Variants in OSBPL10 observed in about 807,000 individuals in gnomAD.
OSBPL10 encodes oxysterol binding protein like 10, also known as oxysterol-binding protein-related protein 10.
In OSBPL10, 49 loss-of-function variants were observed where a neutral mutation model predicts 81.7. That is an observed-to-expected ratio of 0.60 (90% confidence interval 0.48 to 0.76). The LOEUF is 0.76. OSBPL10 is among the 30% of genes least tolerant of loss of function. The pLI is 0.00. For missense variants in OSBPL10, 923 were observed against 987.8 expected (o/e 0.93, Z 0.88); for synonymous variants, 419 against 383.6 (o/e 1.09, Z -1.08).
chr3:31,678,831 T>TGTGTGTGTGTGTGTGTGTG (rs1700561643), intron 8 of OSBPL10, among the ~76,000 whole-genome samples: 1 of 127,776 alleles, frequency 7.8e-6, no homozygotes, highest in Non-Finnish European at 1.7e-5. Context: ...TGTGTGTGTG[T>TGTGTGTGTGTGTGTGTGTG]AGGAGGGAAG....
intron 4 of OSBPL10, among the ~76,000 whole-genome samples, chr3:31,787,074 G>C (rs142975214): frequency 6.8e-4 from 104 of 152,246 alleles, no homozygotes; most frequent in African/African-American, 2.3e-3. Context: ...ACAATGCCTG[G>C]CATAGAATAA....
In OSBPL10 at chr3:31,929,466, G is replaced by A. The variant is rs567409337; in HGVS notation, c.282-49636C>T. Among the ~76,000 whole-genome samples the A allele has an allele frequency of 4.1e-3, 618 of 152,060 alleles. 3 individuals carry two copies. Among genetic ancestry groups the A allele is most frequent in the African/African-American group, 6.0e-3 (251 of 41,492 alleles). On this transcript the variant is annotated intron_variant, in intron 1 of 11. Transcript: ENST00000396556. ...TGATGGTTACAAAAAGTAAAATATCGGCCGGGCGCGGTGGCTCACGCCTGT... is the reference window on the plus strand; with the variant it reads ...TGATGGTTACAAAAAGTAAAATATCAGCCGGGCGCGGTGGCTCACGCCTGT...
rs983291129 is a variant in OSBPL10, at chr3:32,050,320, C to T, written n.186-3717G>A. Among the ~76,000 whole-genome samples, 10 of 152,180 alleles carry T rather than the reference C, an allele frequency of 6.6e-5. No individual in the cohort carries two copies. In the East Asian group the frequency reaches 1.5e-3, roughly 23 times the overall value. ...AGTAGCTAAGGCTTTCTTTTCACAA[C>T]GGTGGCATGAATTCAGGGTTCAATT... On this transcript the variant is annotated intron_variant and non_coding_transcript_variant, in intron 1 of 3. Transcript: ENST00000479173.
chr3:32,033,061 T>C (rs1302089285), intron 2 of OSBPL10, among the ~76,000 whole-genome samples: 1 of 152,236 alleles, frequency 6.6e-6, no homozygotes, highest in East Asian at 1.9e-4. Context: ...TTTAAAATGT[T>C]TTTAGATTTT....
chr3:31,943,710 G>A (rs1697602041), intron 1 of OSBPL10, among the ~76,000 whole-genome samples: 2 of 152,114 alleles, frequency 1.3e-5, no homozygotes, highest in African/African-American at 4.8e-5. Context: ...GCTCATGCCT[G>A]TAATCCCAGC....
chr3:32,018,724 A>G (rs542788850), intron 2 of OSBPL10, among the ~76,000 whole-genome samples: 1 of 152,314 alleles, frequency 6.6e-6, no homozygotes, highest in South Asian at 2.1e-4. Flanking sequence ...AAAAAATGCA[A>G]GACATTATAT....
At chr3:31,746,085 T>C (rs1369224149) in intron 5 of OSBPL10, among the ~76,000 whole-genome samples, 3 of 152,250 alleles carry the variant, frequency 2.0e-5, no homozygotes, top group Non-Finnish European at 2.9e-5. Flanking sequence ...AAGCTATTTT[T>C]ACCTTTATCT....
intron 1 of OSBPL10, among the ~76,000 whole-genome samples, chr3:32,057,874 T>G (rs1458002642): frequency 2.0e-5 from 3 of 152,220 alleles, no homozygotes; most frequent in Non-Finnish European, 4.4e-5. Context: ...AGTACACAGC[T>G]GAGACACATA....
rs773575072 is a variant in OSBPL10, at chr3:31,675,945, C to CAA, written c.1727-4964_1727-4963dup. 0.032 allele frequency among the ~76,000 whole-genome samples: 1,868 copies of CAA among 59,018 alleles called. 264 individuals carry two copies. The East Asian group carries it at 0.45, about 14-fold the overall frequency. The allele number at this position is 59,018 out of a possible 152,430, so 38.7% of individuals were successfully genotyped here. On this transcript the variant is annotated intron_variant, in intron 8 of 11. Coordinates refer to ENST00000396556, the MANE Select transcript of OSBPL10 (RefSeq NM_017784.5). Reference sequence around the variant, plus strand: ...TGGGCGACAGAGCGAGACTCCATCTCAAAAAAAAAAAAAAAAAAAAGAGGA... The same window carrying CAA: ...TGGGCGACAGAGCGAGACTCCATCTCAAAAAAAAAAAAAAAAAAAAAAGAGGA...
intron 4 of OSBPL10, among the ~76,000 whole-genome samples, chr3:31,780,717 G>C (rs115113028): frequency 0.019 from 2,915 of 152,172 alleles, 84 homozygotes; most frequent in African/African-American, 0.064. Context: ...AGAGGAGATA[G>C]ATAAATTCCT....
chr3:31,952,334 T>C (rs1697893152), intron 1 of OSBPL10, among the ~76,000 whole-genome samples: 1 of 152,204 alleles, frequency 6.6e-6, no homozygotes, highest in Non-Finnish European at 1.5e-5. Context: ...CTTCTTTCAC[T>C]TCCCTTCAAG....
intron 2 of OSBPL10, among the ~76,000 whole-genome samples, chr3:32,028,762 G>T (rs1332486362): frequency 2.0e-5 from 3 of 151,800 alleles, no homozygotes; most frequent in African/African-American, 7.3e-5. Flanking sequence ...CTTTTCTATG[G>T]CTAAGAAATC....
chr3:31,840,797 G>C (rs1446995075), intron 3 of OSBPL10, among the ~76,000 whole-genome samples: 1 of 152,246 alleles, frequency 6.6e-6, no homozygotes, highest in Admixed American at 6.5e-5. Flanking sequence ...TATATACCTA[G>C]ATTTAACCCC....
intron 2 of OSBPL10, among the ~76,000 whole-genome samples, chr3:32,009,295 G>A (rs1191932867): frequency 6.6e-6 from 1 of 152,144 alleles, no homozygotes; most frequent in East Asian, 1.9e-4. Context: ...GTCATAATGG[G>A]GATAGGGAAA....
At chr3:31,744,537 C>CAAAAAAA (rs58546446) in intron 5 of OSBPL10, among the ~76,000 whole-genome samples, 6 of 96,310 alleles carry the variant, frequency 6.2e-5, no homozygotes, top group African/African-American at 1.2e-4. Context: ...GACTCCGTCT[C>CAAAAAAA]AAAAAAAAAA....
At chr3:31,788,235 A>G (rs1204168004) in intron 4 of OSBPL10, among the ~76,000 whole-genome samples, 1 of 152,228 alleles carries the variant, frequency 6.6e-6, no homozygotes, top group Non-Finnish European at 1.5e-5. Flanking sequence ...CAACATGAAC[A>G]GGAATACTGA....
intron 9 of OSBPL10, 146 bp from the exon 10 acceptor site, chr3:31,668,970 T>C: frequency 1.6e-6 from 1 of 623,526 alleles, no homozygotes; most frequent in African/African-American, 1.8e-5. Flanking sequence ...AGACTAGCTC[T>C]TAAAAGATGA....
chr3:31,780,942 G>C (rs899045858), intron 4 of OSBPL10, among the ~76,000 whole-genome samples: 1 of 151,974 alleles, frequency 6.6e-6, no homozygotes, highest in Admixed American at 6.6e-5. Context: ...GATAAAGAGG[G>C]AATCCTCCAT....
At chr3:31,829,148 C>T (rs1700170852) in intron 4 of OSBPL10, among the ~76,000 whole-genome samples, 1 of 152,110 alleles carries the variant, frequency 6.6e-6, no homozygotes, top group South Asian at 2.1e-4. Flanking sequence ...CGAGGAGTCT[C>T]ATTCTGTGTG....
Sources: allele counts gnomAD v4.1 joint callset (sites outside exome capture counted in the v4.1 genomes callset), GRCh38; gene constraint gnomAD v4.1.1; transcripts MANE v1.5; gene names NCBI Gene and HGNC (gene_info 2026-07-23, HGNC 2026-07-21).